DEPDC5: variants seen among roughly 807,000 people sequenced by gnomAD.
DEPDC5 encodes GATOR1 complex protein DEPDC5.
A neutral mutation model predicts 217.3 loss-of-function variants in DEPDC5; 73 were observed. The observed-to-expected ratio is 0.34, with a 90% confidence interval of 0.28 to 0.41. The LOEUF is 0.41. Among genes scored for constraint, DEPDC5 ranks in the 10% least tolerant of loss-of-function variants. The pLI, the probability that DEPDC5 is intolerant of heterozygous loss-of-function variation, is 1.00. For synonymous variants in DEPDC5, 733 were observed against 756.7 expected, an observed-to-expected ratio of 0.97 and a Z score of 0.51; for missense variants, 1,675 against 2,070.1, an observed-to-expected ratio of 0.81 and a Z score of 3.70.
intron 24 of DEPDC5, among the ~76,000 whole-genome samples, chr22:31,829,808 G>C (rs2090454579): frequency 6.6e-6 from 1 of 152,188 alleles, no homozygotes; most frequent in South Asian, 2.1e-4. Flanking sequence ...AGACAGGGCA[G>C]TTGGTGTGAC....
At chr22:31,782,924 T>G (rs2084598977) in intron 8 of DEPDC5, among the ~76,000 whole-genome samples, 1 of 152,172 alleles carries the variant, frequency 6.6e-6, no homozygotes, top group South Asian at 2.1e-4. Context: ...TGAAGTTTGC[T>G]TTTAGAAGTC....
rs374309503 is a variant in DEPDC5, at chr22:31,783,922, A to G, written c.499A>G (p.Thr167Ala). The G allele has an allele frequency of 9.3e-6, 15 of 1,613,448 alleles. No homozygotes were observed. Among genetic ancestry groups the G allele is most frequent in the African/African-American group, 1.3e-5 (1 of 74,912 alleles). Residue 167 changes from threonine to alanine, a missense_variant, in exon 9 of 43, where the codon ACG (threonine) becomes GCG (alanine). Physicochemically the swap from Thr to Ala is moderately conservative, Grantham distance 58 (BLOSUM62 0). Around this residue, in one of 11 missense-constraint regions of DEPDC5, gnomAD observed 628 missense variants for 762.1 expected, o/e 0.82. Transcript: ENST00000651528. ...TTTATTTCAGGTGGTGTTTCGTTCT[A>G]CGTCGGCTATGGTTTACATATTTAT... is the stretch of plus-strand genomic sequence containing the variant. ...SEDTRVVFRS[T>A]SAMVYIFIQM...
At chr22:31,763,140 G>A (rs1349692622) in intron 4 of DEPDC5, among the ~76,000 whole-genome samples, 2 of 151,998 alleles carry the variant, frequency 1.3e-5, no homozygotes, top group African/African-American at 2.4e-5. Context: ...ACAGGTGCAC[G>A]CCACCACACC....
At chr22:31,759,667 G>A (rs1444782257) in intron 3 of DEPDC5, among the ~76,000 whole-genome samples, 12 of 134,204 alleles carry the variant, frequency 8.9e-5, no homozygotes, top group Admixed American at 2.4e-4. Context: ...CTACCTTGCC[G>A]CGCCCAGCCT....
At position 31,838,696 on chromosome 22, in the gene DEPDC5, A is replaced by G. The variant is rs373548774; in HGVS notation, c.2366A>G (p.Asp789Gly). The change falls in exon 27 of 43, where the codon GAT becomes GGT. Residue 789 changes from aspartate (D) to glycine (G), a missense_variant. This residue lies in a region of DEPDC5 where 293 missense variants were observed against 386.1 expected (regional missense o/e 0.76). Transcript: ENST00000651528. ...PEADIDRRDE[D>G]GVQMTAQQVF... ...TCTGTTGTTTTCAGGAGGGACGAAG[A>G]TGGTGTGCAGATGACAGCCCAGCAG... 66 of 1,614,096 alleles carry G rather than the reference A, an allele frequency of 4.1e-5. No homozygotes were observed. The highest frequency in any genetic ancestry group is 5.6e-5 in the Non-Finnish European group (66 of 1,180,000).
chr22:31,871,550 C>G (rs1328374840), intron 34 of DEPDC5, among the ~76,000 whole-genome samples: 2 of 152,198 alleles, frequency 1.3e-5, no homozygotes, highest in African/African-American at 2.4e-5. Flanking sequence ...GTCTGAACTT[C>G]TCTGCTCCCT....
intron 4 of DEPDC5, 111 bp from the exon 5 acceptor site, chr22:31,764,864 G>T (rs916331057): frequency 1.4e-6 from 1 of 737,178 alleles, no homozygotes; most frequent in African/African-American, 1.7e-5. Context: ...TGTGTTGCCC[G>T]TGTCAGATGA....
At chr22:31,873,941 C>T (rs186198337) in intron 35 of DEPDC5, 14 of 279,614 alleles carry the variant, frequency 5.0e-5, no homozygotes, top group South Asian at 1.6e-4. Context: ...TACAGGCACC[C>T]GCCACCACGC....
intron 2 of DEPDC5, among the ~76,000 whole-genome samples, chr22:31,756,091 C>T (rs2147949644): frequency 6.6e-6 from 1 of 150,798 alleles, no homozygotes; most frequent in Middle Eastern, 3.4e-3. Flanking sequence ...CCATGTTTCC[C>T]AGGCTGGTCT....
intron 33 of DEPDC5, among the ~76,000 whole-genome samples, chr22:31,864,518 A>ATATATATATATATATATT (rs2092624214): frequency 1.4e-5 from 2 of 138,274 alleles, no homozygotes; most frequent in Admixed American, 1.5e-4. Flanking sequence ...ATATATATAT[A>ATATATATATATATATATT]TATATATTTA....
At chr22:31,781,858 G>A (rs536536638) in intron 8 of DEPDC5, among the ~76,000 whole-genome samples, 6 of 152,124 alleles carry the variant, frequency 3.9e-5, no homozygotes, top group African/African-American at 1.4e-4. Context: ...AACAGAGGGA[G>A]ACCCCATCTC....
intron 24 of DEPDC5, chr22:31,826,464 G>A (rs959707789): frequency 9.3e-6 from 4 of 430,812 alleles, no homozygotes; most frequent in South Asian, 3.3e-5. Flanking sequence ...CTGTGTCCTC[G>A]TGTTCCTTTG....
At chr22:31,836,305 G>A (rs916250898) in intron 25 of DEPDC5, among the ~76,000 whole-genome samples, 11 of 152,334 alleles carry the variant, frequency 7.2e-5, no homozygotes, top group Admixed American at 7.2e-4. Context: ...TGTTGTTGCC[G>A]AGGCTGAGAA....
At chr22:31,831,415 C>G (rs567191306) in intron 24 of DEPDC5, among the ~76,000 whole-genome samples, 4 of 152,092 alleles carry the variant, frequency 2.6e-5, no homozygotes, top group African/African-American at 9.7e-5. Flanking sequence ...AAGAAAAGTC[C>G]TAAAATTGTT....
At chr22:31,901,943 A>G (rs2093655660) in intron 41 of DEPDC5, 141 bp downstream of exon 41, 2 of 726,424 alleles carry the variant, frequency 2.8e-6, no homozygotes, top group Non-Finnish European at 4.7e-6. Context: ...CTTATCTCCA[A>G]CAGGACTCTT....
chr22:31,823,725 G>A (rs920614848), intron 24 of DEPDC5, among the ~76,000 whole-genome samples: 1 of 152,014 alleles, frequency 6.6e-6, no homozygotes, highest in Non-Finnish European at 1.5e-5. Context: ...TCACCCCAGT[G>A]GGTGATCAAA....
intron 24 of DEPDC5, among the ~76,000 whole-genome samples, chr22:31,826,133 A>G (rs145305454): frequency 6.6e-6 from 1 of 151,912 alleles, no homozygotes; most frequent in Non-Finnish European, 1.5e-5. Context: ...CAGCCTCCCA[A>G]GTAGCTGGGA....
intron 38 of DEPDC5, among the ~76,000 whole-genome samples, chr22:31,884,235 C>T (rs1279092271): frequency 6.6e-6 from 1 of 152,214 alleles, no homozygotes; most frequent in East Asian, 1.9e-4. Context: ...GCATCTCCAC[C>T]TGCACACAAG....
Position 31,874,361 on chromosome 22 carries a change from G to A in DEPDC5, c.3652G>A (p.Val1218Met), listed in dbSNP as rs752695099. Residue 1218 changes from valine to methionine, a missense_variant, in exon 36 of 43, where the codon GTG (valine) becomes ATG (methionine). Val to Met is a conservative substitution (Grantham distance 21). Coordinates refer to ENST00000651528, the MANE Select transcript of DEPDC5 (RefSeq NM_001242896.3). ...AEVVHWLVNH[V>M]EGIQTQAMAI... is the part of the protein sequence containing the mutation. The stretch of plus-strand genomic sequence containing the variant: ...GGTGGTACACTGGTTGGTGAACCAC[G>A]TGGAGGGGATCCAGACACAGGCGAT... The A allele has an allele frequency of 1.2e-5, 19 of 1,612,292 alleles. No homozygotes were observed. The highest frequency in any genetic ancestry group is 1.6e-4 in the Middle Eastern group (1 of 6,082).
Sources: allele counts gnomAD v4.1 joint callset (sites outside exome capture counted in the v4.1 genomes callset), GRCh38; gene constraint gnomAD v4.1.1; regional missense constraint gnomAD v4.1.1; transcripts MANE v1.5; gene names NCBI Gene and HGNC (gene_info 2026-07-23, HGNC 2026-07-21).